ATG5: variants seen among roughly 807,000 people sequenced by gnomAD.
ATG5 encodes autophagy related 5.
A neutral mutation model predicts 36.5 loss-of-function variants in ATG5; 14 were observed. That is an observed-to-expected ratio of 0.38 (90% CI 0.25 to 0.60). ATG5 has a LOEUF of 0.60. Ranked by LOEUF, ATG5 falls within the 20% of genes least tolerant of loss-of-function variation. ATG5 has a pLI of 0.60. For synonymous variants in ATG5, 95 were observed against 101.5 expected (o/e 0.94, Z 0.38); for missense variants, 195 against 326.7 (o/e 0.60, Z 3.11).
chr6:106,297,717 A>ACACAC (rs1247142034), intron 3 of ATG5, among the ~76,000 whole-genome samples: 9 of 135,452 alleles, frequency 6.6e-5, no homozygotes, highest in Admixed American at 2.3e-4. Flanking sequence ...AAATGACTTA[A>ACACAC]ACACACACAC....
At chr6:106,253,769 C>A (rs1340025248) in intron 5 of ATG5, among the ~76,000 whole-genome samples, 1 of 152,066 alleles carries the variant, frequency 6.6e-6, no homozygotes, top group Non-Finnish European at 1.5e-5. Flanking sequence ...AAACATAATG[C>A]TTTATGATGC....
chr6:106,247,138 C>G (rs1346423001), intron 6 of ATG5, among the ~76,000 whole-genome samples: 2 of 152,066 alleles, frequency 1.3e-5, no homozygotes, highest in African/African-American at 4.8e-5. Context: ...ATAGAAGGAA[C>G]TATTGGTAAA....
intron 5 of ATG5, among the ~76,000 whole-genome samples, chr6:106,249,259 C>T (rs1158874898): frequency 6.6e-6 from 1 of 152,186 alleles, no homozygotes; most frequent in Non-Finnish European, 1.5e-5. Context: ...TCACTTCCCA[C>T]TCCCCCTTGC....
intron 3 of ATG5, among the ~76,000 whole-genome samples, chr6:106,299,681 T>C (rs1770127804): frequency 6.6e-6 from 1 of 152,236 alleles, no homozygotes; most frequent in Admixed American, 6.5e-5. Flanking sequence ...TGTGTGTGTA[T>C]GTTTGTGCAT....
At position 106,295,708 on chromosome 6, in the gene ATG5, C is replaced by T. The variant is rs1236533074; in HGVS notation, c.237-2602G>A. Among the ~76,000 whole-genome samples, 7 of 152,148 alleles carry T rather than the reference C, an allele frequency of 4.6e-5. No individual in the cohort carries two copies. In the East Asian group the frequency reaches 1.4e-3, roughly 29 times the overall value. On this transcript the variant is annotated intron_variant, in intron 3 of 7. Transcript: ENST00000369076. ...CCTCCTGAGTGGCTGGGACTACAGA[C>T]ATGTGCCACTATGCCCAGCTAATTA...
At chr6:106,293,902 A>T (rs1780424819) in intron 3 of ATG5, among the ~76,000 whole-genome samples, 1 of 152,184 alleles carries the variant, frequency 6.6e-6, no homozygotes, top group Non-Finnish European at 1.5e-5. Context: ...ATCAGAATTA[A>T]ATAATACAGG....
chr6:106,202,967 A>C (rs1776493068), intron 6 of ATG5, among the ~76,000 whole-genome samples: 1 of 152,174 alleles, frequency 6.6e-6, no homozygotes, highest in African/African-American at 2.4e-5. Flanking sequence ...CCTGGCCCCA[A>C]AACTTAACCA....
chr6:106,206,121 T>C (rs148514586), intron 6 of ATG5, among the ~76,000 whole-genome samples: 12 of 152,236 alleles, frequency 7.9e-5, no homozygotes, highest in African/African-American at 2.6e-4. Flanking sequence ...CTATTCCTCA[T>C]CATGGCAGTA....
intron 6 of ATG5, among the ~76,000 whole-genome samples, chr6:106,210,287 T>C (rs1776805611): frequency 6.6e-6 from 1 of 152,156 alleles, no homozygotes. Flanking sequence ...ACAAAAGTAA[T>C]GTTTATAATA....
intron 5 of ATG5, among the ~76,000 whole-genome samples, chr6:106,267,683 C>G (rs1187161518): frequency 6.6e-6 from 1 of 152,144 alleles, no homozygotes; most frequent in Non-Finnish European, 1.5e-5. Flanking sequence ...AGAAATACCA[C>G]CACAAATCTA....
chr6:106,268,568 C>T (rs1361427612), intron 5 of ATG5, among the ~76,000 whole-genome samples: 1 of 152,144 alleles, frequency 6.6e-6, no homozygotes, highest in African/African-American at 2.4e-5. Flanking sequence ...TATAAAGACA[C>T]ATGCAAATGT....
intron 6 of ATG5, among the ~76,000 whole-genome samples, chr6:106,234,417 C>G (rs879803579): frequency 1.3e-5 from 2 of 152,168 alleles, no homozygotes; most frequent in African/African-American, 2.4e-5. Context: ...AACACCACTT[C>G]CGTTTTAGTA....
At chr6:106,202,660 ATCT>A (rs1444395766) in intron 6 of ATG5, among the ~76,000 whole-genome samples, 2 of 152,060 alleles carry the variant, frequency 1.3e-5, no homozygotes, top group Admixed American at 6.6e-5. Context: ...CCAAAACTTA[ATCT>A]TCTTTCTCTT....
Position 106,186,473 on chromosome 6 carries a change from CA to C in ATG5, c.*66del. Reference sequence around the variant, plus strand: ...TTGCCTCCACCAAACCTGATTGAAGCAAAAGGGTGACATGCTCTGATAAATC... The same window carrying C: ...TTGCCTCCACCAAACCTGATTGAAGCAAAGGGTGACATGCTCTGATAAATC... On this transcript the variant is annotated 3_prime_UTR_variant, in exon 8 of 8. Transcript: ENST00000369076. 6.3e-7 allele frequency: 1 copy of C among 1,576,086 alleles called. No individual in the cohort carries two copies. The highest frequency in any genetic ancestry group is 8.7e-7 in the Non-Finnish European group (1 of 1,151,548).
In ATG5 at chr6:106,197,836, CACAA is replaced by C. The variant is rs1024133560; in HGVS notation, c.691+4132_691+4135del. On this transcript the variant is annotated intron_variant, in intron 7 of 7. Transcript: ENST00000369076. The stretch of plus-strand genomic sequence containing the variant: ...AACCTCAGGTGTTTCTTTATAGCAA[CACAA>C]ACAGACTAACACAGCATCTAGTTTT... 5.9e-5 allele frequency among the ~76,000 whole-genome samples: 9 copies of C among 152,206 alleles called. No individual in the cohort carries two copies. The South Asian group carries it at 1.5e-3, about 25-fold the overall frequency.
At chr6:106,238,932 G>A (rs1778000782) in intron 6 of ATG5, among the ~76,000 whole-genome samples, 1 of 152,022 alleles carries the variant, frequency 6.6e-6, no homozygotes, top group Non-Finnish European at 1.5e-5. Context: ...GTGGAGGGGG[G>A]GAACCCAATA....
At chr6:106,297,194 T>C (rs1769989897) in intron 3 of ATG5, among the ~76,000 whole-genome samples, 1 of 152,202 alleles carries the variant, frequency 6.6e-6, no homozygotes, top group Non-Finnish European at 1.5e-5. Flanking sequence ...TGATATTTTA[T>C]GACAAAAACC....
chr6:106,235,274 C>A (rs939654862), intron 6 of ATG5, among the ~76,000 whole-genome samples: 6 of 152,182 alleles, frequency 3.9e-5, no homozygotes, highest in African/African-American at 1.4e-4. Flanking sequence ...TCAAATGGAA[C>A]CCCAGATGAA....
chr6:106,252,481 T>A (rs1778631344), intron 5 of ATG5, among the ~76,000 whole-genome samples: 1 of 152,180 alleles, frequency 6.6e-6, no homozygotes, highest in Admixed American at 6.5e-5. Context: ...AAATGTTATT[T>A]TTTTTTTAAT....
Sources: allele counts gnomAD v4.1 joint callset (sites outside exome capture counted in the v4.1 genomes callset), GRCh38; gene constraint gnomAD v4.1.1; transcripts MANE v1.5; gene names NCBI Gene and HGNC (gene_info 2026-07-23, HGNC 2026-07-21).